Variants in LRP1B observed in about 807,000 individuals in gnomAD.
The protein encoded by LRP1B is low-density lipoprotein receptor-related protein 1B.
A neutral mutation model predicts 556.6 loss-of-function variants in LRP1B; 217 were observed. That is an observed-to-expected ratio of 0.39 (90% CI 0.35 to 0.44). The LOEUF is 0.44. Ranked by LOEUF, LRP1B falls within the 20% of genes least tolerant of loss-of-function variation. The pLI is 1.00. For missense variants in LRP1B, 5,053 were observed against 5,620.8 expected (o/e 0.90, Z 3.23); for synonymous variants, 2,047 against 1,865.8 (o/e 1.10, Z -2.50).
At chr2:140,810,208 T>C (rs146144793) in intron 32 of LRP1B, among the ~76,000 whole-genome samples, 145 of 152,132 alleles carry the variant, frequency 9.5e-4, no homozygotes, top group African/African-American at 3.3e-3. Context: ...AAGAGATTTT[T>C]TTTAACATAG....
intron 3 of LRP1B, among the ~76,000 whole-genome samples, chr2:141,275,189 TA>T (rs1012805816): frequency 3.9e-5 from 6 of 152,222 alleles, no homozygotes; most frequent in Non-Finnish European, 4.4e-5. Flanking sequence ...TAATTTTTTT[TA>T]AAATAGTAAA....
intron 20 of LRP1B, among the ~76,000 whole-genome samples, chr2:140,938,284 C>A (rs988905812): frequency 1.3e-5 from 2 of 151,512 alleles, no homozygotes; most frequent in Non-Finnish European, 2.9e-5. Flanking sequence ...GTGAGAATGT[C>A]CAAACTATCA....
chr2:141,235,016 C>T (rs1195198383), intron 5 of LRP1B, among the ~76,000 whole-genome samples: 1 of 151,758 alleles, frequency 6.6e-6, no homozygotes, highest in Admixed American at 6.6e-5. Flanking sequence ...AGCTCTTTAC[C>T]AAAATGAATA....
chr2:141,802,484 G>A (rs1274824915), intron 2 of LRP1B, among the ~76,000 whole-genome samples: 1 of 151,962 alleles, frequency 6.6e-6, no homozygotes, highest in Admixed American at 6.6e-5. Flanking sequence ...AAAACCCAAA[G>A]TCAGTTATAT....
chr2:141,857,787 C>G (rs1313970094), intron 1 of LRP1B, among the ~76,000 whole-genome samples: 1 of 152,130 alleles, frequency 6.6e-6, no homozygotes, highest in Admixed American at 6.5e-5. Context: ...AACCTTCTTC[C>G]TCTCCTAACT....
At chr2:141,283,606 CAAAG>C (rs1169771616) in intron 3 of LRP1B, among the ~76,000 whole-genome samples, 1 of 142,840 alleles carries the variant, frequency 7.0e-6, no homozygotes, top group African/African-American at 2.6e-5. Flanking sequence ...AGAGCACAGA[CAAAG>C]AGACCCACTT....
intron 83 of LRP1B, among the ~76,000 whole-genome samples, chr2:140,303,247 GTTAT>G (rs1344226409): frequency 2.0e-5 from 3 of 151,426 alleles, no homozygotes; most frequent in Admixed American, 6.6e-5. Flanking sequence ...TTATTTGTTT[GTTAT>G]TTATTTATTT....
At chr2:140,383,175 C>T (rs13034293) in intron 67 of LRP1B, among the ~76,000 whole-genome samples, 13,377 of 152,068 alleles carry the variant, frequency 0.088, 695 homozygotes, top group Middle Eastern at 0.14. Flanking sequence ...TGTTTCACTA[C>T]TTAATAATAG....
At chr2:141,832,945 C>T (rs1441717960) in intron 1 of LRP1B, among the ~76,000 whole-genome samples, 1 of 151,604 alleles carries the variant, frequency 6.6e-6, no homozygotes, top group Non-Finnish European at 1.5e-5. Flanking sequence ...AAAGTTCTAC[C>T]TCAAATTCTA....
intron 60 of LRP1B, among the ~76,000 whole-genome samples, chr2:140,474,820 C>T (rs1051790861): frequency 1.3e-5 from 2 of 151,784 alleles, no homozygotes; most frequent in African/African-American, 4.8e-5. Flanking sequence ...CTCATATTTA[C>T]AAGCAAATAA....
chr2:141,327,619 C>T (rs1687473321), intron 3 of LRP1B, among the ~76,000 whole-genome samples: 1 of 152,052 alleles, frequency 6.6e-6, no homozygotes, highest in Non-Finnish European at 1.5e-5. Flanking sequence ...GCTGCCTTCT[C>T]CTAAAAAGAA....
At chr2:140,313,902 T>A (rs1346562132) in intron 83 of LRP1B, among the ~76,000 whole-genome samples, 1 of 151,922 alleles carries the variant, frequency 6.6e-6, no homozygotes, top group African/African-American at 2.4e-5. Flanking sequence ...TATTAAGTAA[T>A]TAGAATAATT....
At position 141,438,480 on chromosome 2, in the gene LRP1B, C is replaced by T. The variant is rs532628432; in HGVS notation, c.343+41916G>A. On this transcript the variant is annotated intron_variant, in intron 3 of 90. Coordinates refer to ENST00000389484, the MANE Select transcript of LRP1B (RefSeq NM_018557.3). ...TTTCTAATTACACATATGCCTGCCA[C>T]TTGTTAGAGTGGCTTCCATGCCTCC... 8.5e-4 allele frequency among the ~76,000 whole-genome samples: 129 copies of T among 152,230 alleles called. 1 individual carries two copies. The highest frequency in any genetic ancestry group is 3.0e-3 in the African/African-American group (124 of 41,558).
At chr2:141,709,072 C>T (rs992324240) in intron 2 of LRP1B, among the ~76,000 whole-genome samples, 1 of 151,988 alleles carries the variant, frequency 6.6e-6, no homozygotes, top group African/African-American at 2.4e-5. Flanking sequence ...CTTTTGGGGA[C>T]AGGTGTGGTG....
intron 57 of LRP1B, among the ~76,000 whole-genome samples, chr2:140,491,772 A>C (rs1558919485): frequency 1.3e-5 from 2 of 152,122 alleles, no homozygotes; most frequent in Admixed American, 1.3e-4. Flanking sequence ...ACAACATAAC[A>C]ATATTTTATA....
intron 2 of LRP1B, among the ~76,000 whole-genome samples, chr2:141,808,710 C>G (rs567101441): frequency 6.6e-6 from 1 of 152,020 alleles, no homozygotes; most frequent in Non-Finnish European, 1.5e-5. Flanking sequence ...CCCAAAAGAC[C>G]GTATATTCAA....
rs536083495 is a variant in LRP1B, at chr2:141,208,828, C to T, written c.851-20245G>A. 2.4e-4 allele frequency among the ~76,000 whole-genome samples: 30 copies of T among 126,098 alleles called. No homozygotes were observed. In the Admixed American group the frequency reaches 2.7e-3, roughly 11 times the overall value. 82.7% of individuals were successfully genotyped at this position (126,098 alleles called of 152,430 possible). On this transcript the variant is annotated intron_variant, in intron 6 of 90. Transcript: ENST00000389484. ...AGCTTACAGTGAGCTGAGATCACGC[C>T]GCTGCACTCCAACCTGGGCAATAAA...
Position 140,541,052 on chromosome 2 carries a change from C to T in LRP1B, c.7434G>A (p.Leu2478=), listed in dbSNP as rs141285384. 11 of 1,611,244 alleles carry T rather than the reference C, an allele frequency of 6.8e-6. No individual in the cohort carries two copies. In the African/African-American group the frequency reaches 9.4e-5, roughly 14 times the overall value. ...CTCTCCCATTGGGAGTTAAAAGGCA[C>T]AAGTCATGGCAGCCTCCATTCAATA... ...CALLNGGCHD[L]CLLTPNGRVN... The change falls in exon 45 of 91, where the codon TTG becomes TTA. Residue 2478 remains leucine (L), a synonymous_variant. Coordinates refer to ENST00000389484, the MANE Select transcript of LRP1B (RefSeq NM_018557.3).
intron 41 of LRP1B, among the ~76,000 whole-genome samples, chr2:140,659,271 T>C (rs1222903670): frequency 6.6e-6 from 1 of 151,940 alleles, no homozygotes; most frequent in Non-Finnish European, 1.5e-5. Flanking sequence ...ATCTAATAGA[T>C]ACTTTATGAG....
Sources: allele counts gnomAD v4.1 joint callset (sites outside exome capture counted in the v4.1 genomes callset), GRCh38; gene constraint gnomAD v4.1.1; transcripts MANE v1.5; gene names NCBI Gene and HGNC (gene_info 2026-07-23, HGNC 2026-07-21).